PIK3C3: variants seen among roughly 807,000 people sequenced by gnomAD.
PIK3C3 encodes PI3-kinase type 3.
PIK3C3 carries 95 observed loss-of-function variants against 126.1 expected under a neutral mutation model. The observed-to-expected ratio is 0.75, with a 90% CI of 0.64 to 0.89. The LOEUF (loss-of-function observed/expected upper bound fraction) is 0.89. Ranked by LOEUF, PIK3C3 falls within the 40% of genes least tolerant of loss-of-function variation. The pLI is 0.00. For missense variants in PIK3C3, 829 were observed against 1,063.2 expected (o/e 0.78, Z 3.06); for synonymous variants, 374 against 360.0 (o/e 1.04, Z -0.44).
intron 10 of PIK3C3, among the ~76,000 whole-genome samples, 190 bp from the exon 11 acceptor site, chr18:42,013,252 A>T (rs535216261): frequency 2.0e-5 from 3 of 151,868 alleles, no homozygotes; most frequent in African/African-American, 4.8e-5. Context: ...TTATATTATG[A>T]TGTCCATTTT....
chr18:42,032,796 A>T (rs1983890199), intron 15 of PIK3C3, among the ~76,000 whole-genome samples: 2 of 152,138 alleles, frequency 1.3e-5, no homozygotes, highest in Admixed American at 1.3e-4. Flanking sequence ...TTTTTGTAAC[A>T]CTTATGTAGA....
intron 23 of PIK3C3, 23 bp downstream of exon 23, chr18:42,064,853 G>T: frequency 8.3e-7 from 1 of 1,211,578 alleles, no homozygotes; most frequent in Non-Finnish European, 1.2e-6. Context: ...TAACATAAAT[G>T]AAGAGCTCTT....
chr18:42,013,617 C>T, intron 11 of PIK3C3, 21 bp downstream of exon 11: 1 of 1,527,702 alleles, frequency 6.5e-7, no homozygotes, highest in Non-Finnish European at 8.9e-7. Context: ...CCAGGGAGGA[C>T]ATATTTTCTA....
Position 42,037,748 on chromosome 18 carries a change from A to G in PIK3C3, c.1896A>G (p.Pro632=). 1.2e-6 allele frequency: 2 copies of G among 1,610,902 alleles called. No individual in the cohort carries two copies. The highest frequency in any genetic ancestry group is 8.5e-7 in the Non-Finnish European group (1 of 1,177,296). ...AGACGGAAGATGGAGGCAAATATCC[A>G]GTTATATTTAAGCATGGAGATGATT... is the stretch of plus-strand genomic sequence containing the variant. ...FFKTEDGGKY[P]VIFKHGDDLR... The change falls in exon 17 of 25, where the codon CCA becomes CCG. Residue 632 remains proline, a synonymous_variant. Coordinates refer to ENST00000262039, the MANE Select transcript of PIK3C3 (RefSeq NM_002647.4).
chr18:42,011,731 C>T (rs1982835320), intron 10 of PIK3C3, among the ~76,000 whole-genome samples: 2 of 151,916 alleles, frequency 1.3e-5, no homozygotes, highest in Non-Finnish European at 2.9e-5. Flanking sequence ...CTTGGCTTTT[C>T]CTGTGCCTTC....
chr18:42,037,958 C>A, intron 17 of PIK3C3, 138 bp downstream of exon 17: 1 of 749,288 alleles, frequency 1.3e-6, no homozygotes, highest in Non-Finnish European at 2.1e-6. Context: ...CTCCACTTGA[C>A]CTTGAAAAAA....
In PIK3C3 at chr18:42,060,475, G is replaced by A. The variant is rs115192232; in HGVS notation, c.2432+2424G>A. Among the ~76,000 whole-genome samples the A allele has an allele frequency of 9.0e-3, 1,372 of 152,140 alleles. 18 individuals are homozygous for A. Among genetic ancestry groups the A allele is most frequent in the African/African-American group, 0.032 (1,318 of 41,514 alleles). On this transcript the variant is annotated intron_variant, in intron 22 of 24. Coordinates refer to ENST00000262039, the MANE Select transcript of PIK3C3 (RefSeq NM_002647.4). ...GTAAAAATTTTCAATAGTGAAATAA[G>A]GAATACATTTACCAGCTGGGCACGG...
chr18:42,072,731 C>T (rs1052313852), intron 24 of PIK3C3, among the ~76,000 whole-genome samples: 2 of 151,922 alleles, frequency 1.3e-5, no homozygotes, highest in African/African-American at 2.4e-5. Flanking sequence ...AGATGAGGTC[C>T]GACTATGTTG....
At chr18:42,046,095 G>A (rs1037338453) in intron 20 of PIK3C3, among the ~76,000 whole-genome samples, 4 of 152,046 alleles carry the variant, frequency 2.6e-5, no homozygotes, top group African/African-American at 7.2e-5. Context: ...GGAAAGAATA[G>A]CAATTTAAAT....
rs1986427047 is a variant in PIK3C3, at chr18:42,087,739, T to G, written c.*6602T>G. The G allele has an allele frequency of 6.6e-6, 1 of 152,216 alleles. No homozygotes were observed. Among genetic ancestry groups the G allele is most frequent in the African/African-American group, 2.4e-5 (1 of 41,452 alleles). 9.4% of individuals were successfully genotyped at this position (152,216 alleles called of 1,614,324 possible). On this transcript the variant is annotated 3_prime_UTR_variant, in exon 25 of 25. Transcript: ENST00000262039. Reference sequence around the variant, plus strand: ...TGAGCCTTTGCAAGATTACCATTTATCAAAGAAAACCAGTGATGTTTAGTT... The same window carrying G: ...TGAGCCTTTGCAAGATTACCATTTAGCAAAGAAAACCAGTGATGTTTAGTT...
chr18:42,026,822 A>G (rs1354817519), intron 13 of PIK3C3: 2 of 152,200 alleles, frequency 1.3e-5, no homozygotes, highest in African/African-American at 2.4e-5. Flanking sequence ...ATCATTGCTT[A>G]TATGATTTTT....
At chr18:42,069,127 T>C (rs1356808532) in intron 24 of PIK3C3, among the ~76,000 whole-genome samples, 1 of 152,172 alleles carries the variant, frequency 6.6e-6, no homozygotes, top group Non-Finnish European at 1.5e-5. Context: ...CTTATACTCT[T>C]TTTCTAGCTC....
At chr18:42,065,341 T>A (rs1356636876) in intron 23 of PIK3C3, among the ~76,000 whole-genome samples, 1 of 152,124 alleles carries the variant, frequency 6.6e-6, no homozygotes, top group Non-Finnish European at 1.5e-5. Context: ...CAAATGTCCA[T>A]GCACCTAAGG....
Position 41,970,315 on chromosome 18 carries a change from C to G in PIK3C3, c.402-12C>G. The stretch of plus-strand genomic sequence containing the variant: ...AATTTACTTCTACCCTGAACATTCT[C>G]TTTTTCCCTAGCATGTTTCGCCAAG... On this transcript the variant is annotated splice_polypyrimidine_tract_variant and intron_variant, in intron 3 of 24. Coordinates refer to ENST00000262039, the MANE Select transcript of PIK3C3 (RefSeq NM_002647.4). 6.2e-7 allele frequency: 1 copy of G among 1,611,674 alleles called. No individual in the cohort carries two copies. Among genetic ancestry groups the G allele is most frequent in the Non-Finnish European group, 8.5e-7 (1 of 1,177,916 alleles).
intron 19 of PIK3C3, 101 bp downstream of exon 19, chr18:42,040,842 A>AT: frequency 1.3e-6 from 1 of 776,972 alleles, no homozygotes; most frequent in Non-Finnish European, 2.1e-6. Context: ...TCCTTTTATC[A>AT]TTTTTCTTTC....
intron 4 of PIK3C3, among the ~76,000 whole-genome samples, chr18:41,979,480 A>G (rs912780657): frequency 1.3e-5 from 2 of 152,180 alleles, no homozygotes; most frequent in African/African-American, 2.4e-5. Context: ...TATATAGTGG[A>G]CATCAGTTCT....
intron 7 of PIK3C3, among the ~76,000 whole-genome samples, chr18:41,995,039 A>G (rs1407785254): frequency 2.0e-5 from 3 of 152,124 alleles, no homozygotes; most frequent in South Asian, 2.1e-4. Context: ...TCCTGTCTCA[A>G]AAAAAGAAAC....
At position 41,970,723 on chromosome 18, in the gene PIK3C3, C is replaced by T. The variant is rs565799232; in HGVS notation, c.531+267C>T. ...TCATCACCCCTAAAAGAAACCGCAC[C>T]ATTAACAGTCACTCCCATTTTCTGC... On this transcript the variant is annotated intron_variant, in intron 4 of 24. Coordinates refer to ENST00000262039, the MANE Select transcript of PIK3C3 (RefSeq NM_002647.4). The T allele has an allele frequency of 1.1e-3, 624 of 575,546 alleles. 12 individuals are homozygous for T. The South Asian group carries it at 0.014, about 12-fold the overall frequency. 35.7% of individuals were successfully genotyped at this position (575,546 alleles called of 1,614,324 possible). A position where few individuals can be genotyped will look rare whatever the true frequency, so the allele number is the denominator to read the frequency against.
chr18:42,037,598 A>T, intron 16 of PIK3C3, 94 bp from the exon 17 acceptor site: 1 of 1,136,872 alleles, frequency 8.8e-7, no homozygotes, highest in African/African-American at 1.5e-5. Context: ...TTACCTGTGT[A>T]TTTATCTTAT....
Sources: gnomAD v4.1 joint callset for allele counts (sites outside exome capture counted in the v4.1 genomes callset) on GRCh38, gnomAD v4.1.1 for gene constraint, MANE v1.5 for transcripts, NCBI Gene and HGNC (gene_info 2026-07-23, HGNC 2026-07-21) for gene names.